The following C5 variants were observed in gnomAD, a reference collection of about 807,000 sequenced individuals.
C5 encodes complement C5.
A neutral mutation model predicts 218.8 loss-of-function variants in C5; 140 were observed. That is an observed-to-expected ratio of 0.64 (90% CI 0.56 to 0.74). The LOEUF (loss-of-function observed/expected upper bound fraction) is 0.74, where lower values mean the gene tolerates loss of function less well. C5 is among the 30% of genes least tolerant of loss of function. C5 has a pLI of 0.00. For missense variants in C5, 1,700 were observed against 1,969.6 expected (o/e 0.86, Z 2.59); for synonymous variants, 614 against 682.3 (o/e 0.90, Z 1.56).
chr9:121,023,348 C>T, intron 10 of C5, 56 bp downstream of exon 10: 1 of 1,100,674 alleles, frequency 9.1e-7, no homozygotes, highest in Non-Finnish European at 1.4e-6. Context: ...ACATGTTTTC[C>T]ATGAACAGAA....
chr9:121,063,679 CTTAA>C, the C5 span, among the ~76,000 whole-genome samples: 4 of 152,008 alleles, frequency 2.6e-5, no homozygotes, highest in Admixed American at 1.3e-4. Flanking sequence ...AGATTTGAAC[CTTAA>C]TTTAGAAATG....
At chr9:120,961,445 A>G (rs559401555) in intron 37 of C5, 37 bp downstream of exon 37, 1 of 1,338,556 alleles carries the variant, frequency 7.5e-7, no homozygotes, top group Admixed American at 1.7e-5. Context: ...ACTGCTTTAA[A>G]TAAGCATGCA....
intron 27 of C5, among the ~76,000 whole-genome samples, chr9:120,980,538 C>T (rs1316547064): frequency 2.0e-5 from 3 of 152,184 alleles, no homozygotes; most frequent in Admixed American, 1.3e-4. Context: ...TCTGAGTACA[C>T]CGTCAGACCT....
chr9:120,953,831 G>C lies in C5; in HGVS notation c.4800C>G (p.Phe1600Leu). ...AVAEKDSEIT[F>L]IKKVTCTNAE... ...CGTTAGTACAGGTTACCTTTTTAAT[G>C]AAGGTAATCTCAGAGTCTTTCTCAG... is the stretch of plus-strand genomic sequence containing the variant. The change falls in exon 40 of 41, where the codon TTC becomes TTG. Residue 1600 changes from phenylalanine (F) to leucine (L), a missense_variant. Transcript: ENST00000223642. 1 of 1,613,360 alleles carries C rather than the reference G, an allele frequency of 6.2e-7. No homozygotes were observed. The highest frequency in any genetic ancestry group is 2.2e-5 in the East Asian group (1 of 44,874).
chr9:121,045,826 G>A (rs369729685), intron 2 of C5, among the ~76,000 whole-genome samples: 2 of 152,152 alleles, frequency 1.3e-5, no homozygotes, highest in East Asian at 3.9e-4. Context: ...ATGGATTTTT[G>A]TGGGCAATGT....
At chr9:121,005,843 T>C in intron 20 of C5, 76 bp downstream of exon 20, 1 of 1,455,718 alleles carries the variant, frequency 6.9e-7, no homozygotes. Flanking sequence ...TTTTTGTGTA[T>C]GGTAATTCCA....
intron 1 of C5, 89 bp downstream of exon 1, chr9:121,050,093 T>C: frequency 9.4e-7 from 1 of 1,067,342 alleles, no homozygotes; most frequent in Non-Finnish European, 1.5e-6. Context: ...TAGCAAGTTA[T>C]TTTCAAGTTA....
rs774520053 is a variant in C5, at chr9:121,005,949, A to G, written c.2532T>C (p.Thr844=). The change falls in exon 20 of 41, where the codon ACT becomes ACC. Residue 844 remains threonine (T), a synonymous_variant. Coordinates refer to ENST00000223642, the MANE Select transcript of C5 (RefSeq NM_001735.3). The part of the protein sequence containing the change: ...VRGEQIQLKG[T]VYNYRTSGMQ... ...TCCCAGAAGTCCTATAGTTGTAAAC[A>G]GTTCCTTTCAATTGGATCTGTTCTC... The G allele has an allele frequency of 6.2e-7, 1 of 1,613,734 alleles. No individual in the cohort carries two copies. Among genetic ancestry groups the G allele is most frequent in the South Asian group, 1.1e-5 (1 of 91,082 alleles).
At chr9:121,016,939 T>C (rs1049641373) in intron 14 of C5, among the ~76,000 whole-genome samples, 1 of 152,144 alleles carries the variant, frequency 6.6e-6, no homozygotes, top group African/African-American at 2.4e-5. Context: ...CATAATAAGA[T>C]AAATAGGAAC....
At chr9:121,003,281 ACT>A (rs1205203820) in intron 20 of C5, among the ~76,000 whole-genome samples, 1 of 151,616 alleles carries the variant, frequency 6.6e-6, no homozygotes, top group Non-Finnish European at 1.5e-5. Context: ...ACAGAGCAAG[ACT>A]CTGTCTCAAA....
In C5 at chr9:120,989,785, A is replaced by C. The variant is rs773010356; in HGVS notation, c.2942-5T>G. The C allele has an allele frequency of 1.2e-6, 2 of 1,611,062 alleles. No homozygotes were observed. Among genetic ancestry groups the C allele is most frequent in the South Asian group, 2.2e-5 (2 of 91,010 alleles). ...AGATCTCACCTACAAGCAGTCCTGA[A>C]ACAAAAAAGATCAAAGTAGACACAT... On this transcript the variant is annotated splice_polypyrimidine_tract_variant and splice_region_variant and intron_variant, in intron 23 of 40. Transcript: ENST00000223642.
In C5 at chr9:120,974,788, C is replaced by A. The variant is rs771814145; in HGVS notation, c.4008G>T (p.Arg1336Ser). Reference protein sequence around the residue: ...YKMTDKNFLGRPVEVLLNDDL... With the variant: ...YKMTDKNFLGSPVEVLLNDDL... ...AAAGTTCTTCATTTACCTCTACTGG[C>A]CTCCCAAGGAAATTCTTGTCTGTCA... The change falls in exon 30 of 41, where the codon AGG becomes AGT. Residue 1336 changes from arginine (R) to serine (S), a missense_variant. Coordinates refer to ENST00000223642, the MANE Select transcript of C5 (RefSeq NM_001735.3). 2.4e-5 allele frequency: 39 copies of A among 1,613,536 alleles called. No individual in the cohort carries two copies. The South Asian group carries it at 3.7e-4, about 15-fold the overall frequency.
intron 20 of C5, among the ~76,000 whole-genome samples, chr9:121,002,314 GTGTA>G (rs1309708883): frequency 1.6e-4 from 10 of 62,476 alleles, no homozygotes; most frequent in African/African-American, 5.8e-4. Context: ...ATATATGTGT[GTGTA>G]TATATATATA....
In C5 at chr9:120,982,750, A is replaced by T; in HGVS notation, c.3295T>A (p.Ser1099Thr). 1 of 1,606,042 alleles carries T rather than the reference A, an allele frequency of 6.2e-7. No individual in the cohort carries two copies. Residue 1099 changes from serine to threonine, a missense_variant, in exon 26 of 41, where the codon TCA (serine) becomes ACA (threonine). Physicochemically the swap from Ser to Thr is moderately conservative, Grantham distance 58. Coordinates refer to ENST00000223642, the MANE Select transcript of C5 (RefSeq NM_001735.3). Reference sequence around the variant, plus strand: ...AGCCACAATAAAGAATTACAAATTGAATTTTGGTTCTGCTCTACGTATTTA... The same window carrying T: ...AGCCACAATAAAGAATTACAAATTGTATTTTGGTTCTGCTCTACGTATTTA... ...VNKYVEQNQN[S>T]ICNSLLWLVE...
At chr9:120,959,248 CTTTCTTTCTTTCT>C (rs2046808525) in intron 38 of C5, among the ~76,000 whole-genome samples, 7 of 118,568 alleles carry the variant, frequency 5.9e-5, no homozygotes, top group African/African-American at 3.1e-4. Context: ...TTCTTTCTTT[CTTTCTTTCTTTCT>C]TTCTTTTTTT....
chr9:121,014,733 TATC>T (rs1409183339), intron 16 of C5, among the ~76,000 whole-genome samples: 7 of 152,178 alleles, frequency 4.6e-5, no homozygotes, highest in African/African-American at 1.7e-4. Flanking sequence ...CATGACGAAT[TATC>T]ATAACCATTT....
the C5 span, among the ~76,000 whole-genome samples, chr9:121,069,897 C>A: frequency 6.6e-6 from 1 of 152,156 alleles, no homozygotes; most frequent in African/African-American, 2.4e-5. Flanking sequence ...CTCAAAAAAA[C>A]TACAAATAGA....
Position 121,015,278 on chromosome 9 carries a change from A to C in C5, c.1997-17T>G, listed in dbSNP as rs746318141. 1 of 1,542,752 alleles carries C rather than the reference A, an allele frequency of 6.5e-7. No individual in the cohort carries two copies. The highest frequency in any genetic ancestry group is 8.9e-7 in the Non-Finnish European group (1 of 1,118,632). ...AAGGTTCATCTGGTTTTTTTAAAAA[A>C]AGATAAAGAAGAAGGATTAAAAAGG... On this transcript the variant is annotated splice_polypyrimidine_tract_variant and intron_variant, in intron 15 of 40. Coordinates refer to ENST00000223642, the MANE Select transcript of C5 (RefSeq NM_001735.3).
At chr9:120,987,799 GTTTTGTT>G (rs1564141078) in intron 25 of C5, among the ~76,000 whole-genome samples, 1 of 151,612 alleles carries the variant, frequency 6.6e-6, no homozygotes, top group Non-Finnish European at 1.5e-5. Context: ...GTTTTGTTTT[GTTTTGTT>G]TTTTGAGACA....
Sources: gnomAD v4.1 joint callset for allele counts (sites outside exome capture counted in the v4.1 genomes callset) on GRCh38, gnomAD v4.1.1 for gene constraint, MANE v1.5 for transcripts, NCBI Gene and HGNC (gene_info 2026-07-23, HGNC 2026-07-21) for gene names.